Variants in GLI2 observed in about 807,000 individuals in gnomAD.
GLI2 encodes the protein transcription activator GLI2.
A neutral mutation model predicts 78.9 loss-of-function variants in GLI2; 22 were observed. The observed-to-expected ratio is 0.28, with a 90% CI of 0.20 to 0.40. The LOEUF is 0.40. Among genes scored for constraint, GLI2 ranks in the 10% least tolerant of loss-of-function variants. GLI2 has a pLI of 1.00. For synonymous variants in GLI2, 974 were observed against 963.7 expected (o/e 1.01, Z -0.20); for missense variants, 2,097 against 2,213.2 (o/e 0.95, Z 1.05).
intron 2 of GLI2, among the ~76,000 whole-genome samples, chr2:120,837,801 T>C (rs2104570180): frequency 6.6e-6 from 1 of 152,348 alleles, no homozygotes; most frequent in Non-Finnish European, 1.5e-5. Context: ...ATGTCAATTT[T>C]CCTTGCATAT....
intron 2 of GLI2, among the ~76,000 whole-genome samples, chr2:120,860,244 G>A (rs1387890511): frequency 6.6e-6 from 1 of 152,174 alleles, no homozygotes; most frequent in East Asian, 1.9e-4. Context: ...TTAGAGTAAG[G>A]TCAAGCGGTC....
chr2:120,872,338 G>C (rs1312879744), intron 2 of GLI2, among the ~76,000 whole-genome samples: 1 of 152,198 alleles, frequency 6.6e-6, no homozygotes, highest in Non-Finnish European at 1.5e-5. Flanking sequence ...GAATTAACCA[G>C]CTTACAGTGG....
intron 3 of GLI2, among the ~76,000 whole-genome samples, chr2:120,933,820 T>C (rs1377638563): frequency 2.6e-5 from 4 of 151,498 alleles, no homozygotes; most frequent in African/African-American, 9.7e-5. Context: ...GCTCCCTATG[T>C]TGCTTTTGAG....
intron 2 of GLI2, among the ~76,000 whole-genome samples, chr2:120,844,432 A>T (rs2104588540): frequency 6.6e-6 from 1 of 152,270 alleles, no homozygotes; most frequent in Admixed American, 6.5e-5. Context: ...TTGTGTCTTT[A>T]TAGTGGGTGC....
At chr2:120,892,667 G>A (rs1677737937) in intron 2 of GLI2, among the ~76,000 whole-genome samples, 1 of 152,194 alleles carries the variant, frequency 6.6e-6, no homozygotes, top group South Asian at 2.1e-4. Flanking sequence ...CTGATAATCA[G>A]TAACCCTACT....
At chr2:120,890,972 C>T (rs1677654806) in intron 2 of GLI2, among the ~76,000 whole-genome samples, 2 of 152,212 alleles carry the variant, frequency 1.3e-5, no homozygotes, top group African/African-American at 4.8e-5. Context: ...GATGGCTTCT[C>T]CTAATGCCTT....
intron 3 of GLI2, among the ~76,000 whole-genome samples, chr2:120,949,745 C>T (rs947649364): frequency 1.3e-5 from 2 of 152,210 alleles, no homozygotes; most frequent in African/African-American, 2.4e-5. Context: ...AACCAAACTG[C>T]GGAAGACTCC....
intron 2 of GLI2, among the ~76,000 whole-genome samples, chr2:120,812,067 G>T (rs889256507): frequency 6.6e-6 from 1 of 152,176 alleles, no homozygotes; most frequent in Non-Finnish European, 1.5e-5. Context: ...GAGAGATGGG[G>T]GATCGGCGGC....
intron 2 of GLI2, among the ~76,000 whole-genome samples, chr2:120,875,558 G>A (rs1055688504): frequency 6.6e-6 from 1 of 152,240 alleles, no homozygotes; most frequent in African/African-American, 2.4e-5. Context: ...TGTGCCGAGT[G>A]CTAACGGCGG....
At chr2:120,838,643 G>C (rs955738808) in intron 2 of GLI2, among the ~76,000 whole-genome samples, 1 of 152,170 alleles carries the variant, frequency 6.6e-6, no homozygotes, top group African/African-American at 2.4e-5. Flanking sequence ...ATAAAGAAAA[G>C]TCATTTACAC....
intron 4 of GLI2, among the ~76,000 whole-genome samples, chr2:120,952,115 A>G (rs1447757842): frequency 6.6e-6 from 1 of 152,234 alleles, no homozygotes; most frequent in African/African-American, 2.4e-5. Flanking sequence ...ATGCAAACAC[A>G]TATTAGTAAC....
intron 2 of GLI2, among the ~76,000 whole-genome samples, chr2:120,804,586 G>GGAA (rs1553450238): frequency 4.3e-5 from 1 of 23,150 alleles, no homozygotes; most frequent in Non-Finnish European, 9.8e-5. Context: ...CCTTGGACCT[G>GGAA]ATGCACCCAG....
intron 2 of GLI2, among the ~76,000 whole-genome samples, chr2:120,824,084 CATATCTTGGGGGG>C (rs1685914557): frequency 6.6e-6 from 1 of 152,164 alleles, no homozygotes; most frequent in Non-Finnish European, 1.5e-5. Flanking sequence ...TCTAAACGTT[CATATCTTGGGGGG>C]ATTCCGTTGG....
At chr2:120,879,304 C>T (rs1290400508) in intron 2 of GLI2, among the ~76,000 whole-genome samples, 2 of 152,172 alleles carry the variant, frequency 1.3e-5, no homozygotes, top group African/African-American at 2.4e-5. Context: ...TTAGTGGCTG[C>T]AGCTGAGTGT....
rs553736266 is a variant in GLI2, at chr2:120,872,222, G to A, written c.149-55139G>A. On this transcript the variant is annotated intron_variant, in intron 2 of 13. Coordinates refer to ENST00000361492, the MANE Select transcript of GLI2 (RefSeq NM_001374353.1). Reference sequence around the variant, plus strand: ...GTGAGGTGGTAGATGTTTCCAGAGTGGCCCCTAAGCCATGAACTCACTTTC... The same window carrying A: ...GTGAGGTGGTAGATGTTTCCAGAGTAGCCCCTAAGCCATGAACTCACTTTC... 1.8e-4 allele frequency among the ~76,000 whole-genome samples: 28 copies of A among 152,340 alleles called. 1 individual carries two copies. Among genetic ancestry groups the A allele is most frequent in the African/African-American group, 5.3e-4 (22 of 41,578 alleles).
chr2:120,938,168 G>A (rs1017300115), intron 3 of GLI2, among the ~76,000 whole-genome samples: 2 of 152,074 alleles, frequency 1.3e-5, no homozygotes, highest in African/African-American at 4.8e-5. Context: ...AAGCAGGACC[G>A]ACTCCCCCAG....
At chr2:120,892,023 G>A (rs1180657571) in intron 2 of GLI2, among the ~76,000 whole-genome samples, 3 of 151,356 alleles carry the variant, frequency 2.0e-5, no homozygotes, top group African/African-American at 4.9e-5. Flanking sequence ...TTGGCTCTGC[G>A]GATTGTGGTC....
intron 1 of GLI2, among the ~76,000 whole-genome samples, chr2:120,765,626 C>A (rs1388496217): frequency 6.6e-6 from 1 of 152,220 alleles, no homozygotes; most frequent in East Asian, 1.9e-4. Flanking sequence ...CCCCTGCCTG[C>A]CAGTGACACC....
chr2:120,858,193 G>A (rs373652320), intron 2 of GLI2, among the ~76,000 whole-genome samples: 30 of 152,284 alleles, frequency 2.0e-4, no homozygotes, highest in East Asian at 1.4e-3. Context: ...ATTGGTTCCC[G>A]GAGTTGATGC....
Sources: allele counts gnomAD v4.1 joint callset (sites outside exome capture counted in the v4.1 genomes callset), GRCh38; gene constraint gnomAD v4.1.1; transcripts MANE v1.5; gene names NCBI Gene and HGNC (gene_info 2026-07-23, HGNC 2026-07-21).